PRICKLE2: variants seen among roughly 807,000 people sequenced by gnomAD.
PRICKLE2 encodes prickle-like protein 2.
In PRICKLE2, 21 loss-of-function variants were observed where a neutral mutation model predicts 81.4. That is an observed-to-expected ratio of 0.26 (90% CI 0.18 to 0.37). The LOEUF is 0.37. Ranked by LOEUF, PRICKLE2 falls within the 10% of genes least tolerant of loss-of-function variation. PRICKLE2 has a pLI of 1.00. For synonymous variants in PRICKLE2, 456 were observed against 421.5 expected (o/e 1.08, Z -1.00); for missense variants, 940 against 1,109.0 (o/e 0.85, Z 2.16).
chr3:64,104,333 TCTTCAAA>T (rs1220879767), intron 7 of PRICKLE2, among the ~76,000 whole-genome samples: 1 of 152,240 alleles, frequency 6.6e-6, no homozygotes, highest in African/African-American at 2.4e-5. Flanking sequence ...AAAGAAAACA[TCTTCAAA>T]CTCATGTCTA....
chr3:64,101,433 G>C (rs1336288070), intron 7 of PRICKLE2: 1 of 152,188 alleles, frequency 6.6e-6, no homozygotes, highest in African/African-American at 2.4e-5. Flanking sequence ...CCAGGATCTT[G>C]TTATGCCATA....
chr3:64,266,242 A>G (rs1266244701), intron 2 of PRICKLE2, among the ~76,000 whole-genome samples: 1 of 152,114 alleles, frequency 6.6e-6, no homozygotes, highest in African/African-American at 2.4e-5. Flanking sequence ...CACTCTTAAA[A>G]CGAATCTGCC....
intron 2 of PRICKLE2, among the ~76,000 whole-genome samples, chr3:64,181,760 A>C (rs971317847): frequency 6.6e-6 from 1 of 152,200 alleles, no homozygotes; most frequent in African/African-American, 2.4e-5. Flanking sequence ...AATTCTTAGT[A>C]TTCATATGAT....
At chr3:64,102,547 CA>C (rs1041755102) in intron 7 of PRICKLE2, 1 of 152,882 alleles carries the variant, frequency 6.5e-6, no homozygotes, top group African/African-American at 2.4e-5. Context: ...AAAACAAGCT[CA>C]GGTCTCCCAC....
intron 7 of PRICKLE2, 104 bp downstream of exon 7, chr3:64,146,726 G>C: frequency 4.6e-6 from 6 of 1,296,794 alleles, no homozygotes; most frequent in Non-Finnish European, 6.6e-6. Context: ...CTGGGGGACA[G>C]AGCGAGACTC....
intron 7 of PRICKLE2, chr3:64,142,096 C>A (rs2077370938): frequency 4.8e-6 from 1 of 207,498 alleles, no homozygotes; most frequent in Admixed American, 6.5e-5. Context: ...TATGGGTGTG[C>A]AGAGTAGGAT....
chr3:64,265,268 A>G (rs1051716345), intron 2 of PRICKLE2, among the ~76,000 whole-genome samples: 1 of 152,208 alleles, frequency 6.6e-6, no homozygotes, highest in African/African-American at 2.4e-5. Context: ...AAAAATATCA[A>G]AGAAACTTTT....
intron 7 of PRICKLE2, chr3:64,104,471 A>G (rs2076721917): frequency 6.6e-6 from 1 of 152,242 alleles, no homozygotes; most frequent in Non-Finnish European, 1.5e-5. Flanking sequence ...TGTTTTCCCG[A>G]ACCTGTCTTT....
At chr3:64,251,551 G>A (rs1234143670) in intron 2 of PRICKLE2, among the ~76,000 whole-genome samples, 3 of 152,198 alleles carry the variant, frequency 2.0e-5, no homozygotes, top group Non-Finnish European at 4.4e-5. Context: ...GAAAATTTCA[G>A]TGTGGTGGGA....
At chr3:64,183,463 T>C (rs2078169140) in intron 2 of PRICKLE2, among the ~76,000 whole-genome samples, 1 of 152,084 alleles carries the variant, frequency 6.6e-6, no homozygotes, top group African/African-American at 2.4e-5. Flanking sequence ...TTATATATTA[T>C]ATACTATAAC....
intron 1 of PRICKLE2, among the ~76,000 whole-genome samples, chr3:64,203,470 T>C (rs1044887470): frequency 1.1e-4 from 17 of 152,320 alleles, no homozygotes; most frequent in Non-Finnish European, 2.2e-4. Flanking sequence ...CATCAAAATG[T>C]AGAAAACTTT....
intron 7 of PRICKLE2, among the ~76,000 whole-genome samples, chr3:64,121,855 G>A (rs1312327824): frequency 1.3e-5 from 2 of 152,094 alleles, no homozygotes; most frequent in East Asian, 1.9e-4. Flanking sequence ...TGACTGGCTC[G>A]GAAAGTAGAG....
chr3:64,247,359 C>A (rs984975127), intron 2 of PRICKLE2, among the ~76,000 whole-genome samples: 3 of 152,052 alleles, frequency 2.0e-5, no homozygotes, highest in African/African-American at 4.8e-5. Flanking sequence ...TTTATACTAC[C>A]TTTCCATGTA....
In PRICKLE2 at chr3:64,157,165, A is replaced by T. The variant is rs1184145834; in HGVS notation, c.597T>A (p.Asp199Glu). 2 of 1,614,012 alleles carry T rather than the reference A, an allele frequency of 1.2e-6. No homozygotes were observed. The highest frequency in any genetic ancestry group is 1.7e-6 in the Non-Finnish European group (2 of 1,179,870). The change falls in exon 5 of 8, where the codon GAT (aspartate) becomes GAA (glutamate). Residue 199 changes from aspartate to glutamate, a missense_variant. This residue lies in a region of PRICKLE2 where 270 missense variants were observed against 391.8 expected (regional missense o/e 0.69). Transcript: ENST00000638394. ...ACCTGCTGGAGTTTGCTCTAACCTCATCGCAGGCAGCACAGCGCGGCTTCA... is the reference window on the plus strand; with the variant it reads ...ACCTGCTGGAGTTTGCTCTAACCTCTTCGCAGGCAGCACAGCGCGGCTTCA... The part of the protein sequence containing the change: ...ECLKPRCAAC[D>E]EIIFADECTE...
rs557818482 is a variant in PRICKLE2 at position 64,220,343 on chromosome 3, G to C, written c.-41+4567C>G. ...AGGTTTGATTTTAAGGAGTCGAGGA[G>C]AGGAGGGTGACTTGAAGACAATAGC... On this transcript the variant is annotated intron_variant, in intron 1 of 7. Coordinates refer to ENST00000638394, the MANE Select transcript of PRICKLE2 (RefSeq NM_198859.4). Among the ~76,000 whole-genome samples the C allele has an allele frequency of 5.3e-5, 8 of 152,314 alleles. No individual in the cohort carries two copies. The South Asian group carries it at 1.0e-3, about 20-fold the overall frequency.
At chr3:64,261,575 C>A (rs964573227) in intron 2 of PRICKLE2, among the ~76,000 whole-genome samples, 1 of 152,036 alleles carries the variant, frequency 6.6e-6, no homozygotes, top group Non-Finnish European at 1.5e-5. Context: ...CAAGGCTAGG[C>A]AGGAAGTTCT....
intron 1 of PRICKLE2, among the ~76,000 whole-genome samples, chr3:64,215,644 A>G (rs1156793488): frequency 2.0e-5 from 3 of 152,192 alleles, no homozygotes; most frequent in African/African-American, 7.2e-5. Flanking sequence ...TGCTACAATG[A>G]TGTCAAAAAT....
intron 4 of PRICKLE2, among the ~76,000 whole-genome samples, chr3:64,157,845 C>T (rs369072702): frequency 3.3e-4 from 50 of 152,304 alleles, no homozygotes; most frequent in Admixed American, 2.9e-3. Context: ...CATAACAGCA[C>T]GCTCACCTTT....
At chr3:64,186,846 G>T (rs2078243479) in intron 2 of PRICKLE2, among the ~76,000 whole-genome samples, 1 of 152,150 alleles carries the variant, frequency 6.6e-6, no homozygotes, top group Non-Finnish European at 1.5e-5. Context: ...ATAAGGCAGA[G>T]GAGATCATCT....
Sources: allele counts gnomAD v4.1 joint callset (sites outside exome capture counted in the v4.1 genomes callset), GRCh38; gene constraint gnomAD v4.1.1; regional missense constraint gnomAD v4.1.1; transcripts MANE v1.5; gene names NCBI Gene and HGNC (gene_info 2026-07-23, HGNC 2026-07-21).